GDPD5: variants seen among roughly 807,000 people sequenced by gnomAD.
GDPD5 encodes glycerophosphodiester phosphodiesterase domain containing 5, also known as glycerophosphodiester phosphodiesterase 2.
GDPD5 carries 48 observed loss-of-function variants against 75.1 expected under a neutral mutation model. That is an observed-to-expected ratio of 0.64 (90% CI 0.51 to 0.81). The LOEUF (loss-of-function observed/expected upper bound fraction) is 0.81. Ranked by LOEUF, GDPD5 falls within the 40% of genes least tolerant of loss-of-function variation. The pLI, the probability that GDPD5 is intolerant of heterozygous loss-of-function variation, is 0.00. For missense variants in GDPD5, 706 were observed against 822.6 expected (o/e 0.86, Z 1.73); for synonymous variants, 336 against 339.0 (o/e 0.99, Z 0.10).
chr11:75,435,743 C>G (rs1468594549), intron 16 of GDPD5, 88 bp from the exon 17 acceptor site: 1 of 1,359,378 alleles, frequency 7.4e-7, no homozygotes, highest in Non-Finnish European at 1.0e-6. Flanking sequence ...GCTGCACCAC[C>G]CAGCGGGGCA....
At chr11:75,483,913 A>G (rs1349748782) in intron 2 of GDPD5, among the ~76,000 whole-genome samples, 1 of 152,162 alleles carries the variant, frequency 6.6e-6, no homozygotes, top group African/African-American at 2.4e-5. Flanking sequence ...CTGGCCAGGC[A>G]TGGTGGCTCA....
intron 1 of GDPD5, among the ~76,000 whole-genome samples, chr11:75,498,714 G>A (rs1185890834): frequency 1.3e-5 from 2 of 152,176 alleles, no homozygotes; most frequent in East Asian, 1.9e-4. Context: ...AGAAGCAGTG[G>A]AGCACAGTGG....
At chr11:75,494,521 T>C (rs977836913) in intron 1 of GDPD5, among the ~76,000 whole-genome samples, 2 of 152,218 alleles carry the variant, frequency 1.3e-5, no homozygotes, top group African/African-American at 4.8e-5. Context: ...CCACAGTTCA[T>C]TTTTAGTTAT....
At chr11:75,499,505 T>G (rs1323973042) in intron 1 of GDPD5, among the ~76,000 whole-genome samples, 1 of 152,042 alleles carries the variant, frequency 6.6e-6, no homozygotes, top group Non-Finnish European at 1.5e-5. Context: ...GACCCTGTTT[T>G]GGTCAATCCT....
intron 1 of GDPD5, among the ~76,000 whole-genome samples, chr11:75,507,949 C>T (rs1424265395): frequency 3.9e-5 from 6 of 152,146 alleles, no homozygotes; most frequent in Non-Finnish European, 7.4e-5. Context: ...CCCCCAGCAC[C>T]CACTATCTAT....
chr11:75,460,097 CT>C (rs140689877), intron 4 of GDPD5, among the ~76,000 whole-genome samples: 2,038 of 152,088 alleles, frequency 0.013, 20 homozygotes, highest in Middle Eastern at 0.051. Flanking sequence ...AAACTGAGGC[CT>C]GAAGAGGGGC....
intron 3 of GDPD5, among the ~76,000 whole-genome samples, chr11:75,466,081 C>G (rs1949509393): frequency 6.6e-6 from 1 of 152,208 alleles, no homozygotes; most frequent in Non-Finnish European, 1.5e-5. Context: ...CTCCTGGGAA[C>G]CAGCCAAGAC....
At chr11:75,436,032 T>C (rs958785900) in intron 16 of GDPD5, among the ~76,000 whole-genome samples, 2 of 152,176 alleles carry the variant, frequency 1.3e-5, no homozygotes, top group Non-Finnish European at 2.9e-5. Flanking sequence ...CTCAGCCTCC[T>C]GGGAACCTCA....
chr11:75,470,389 T>C (rs1395696523), intron 3 of GDPD5, among the ~76,000 whole-genome samples: 1 of 152,250 alleles, frequency 6.6e-6, no homozygotes, highest in Non-Finnish European at 1.5e-5. Flanking sequence ...TGTAGTCAAA[T>C]CTATCCCTCT....
rs1473832926 is a variant in GDPD5, at chr11:75,449,550, C to T, written c.535G>A (p.Val179Met). 39 of 1,587,658 alleles carry T rather than the reference C, an allele frequency of 2.5e-5. 1 individual carries two copies. The highest frequency in any genetic ancestry group is 1.7e-4 in the South Asian group (15 of 86,822). ...VAAVTMLSWI[V>M]AGQFARAERT... ...TCTGCGCGGGCGAACTGTCCTGCCA[C>T]GATCCAGGAGAGCATGGTGACTGCT... Residue 179 changes from valine (V) to methionine (M), a missense_variant, in exon 8 of 17, where the codon GTG becomes ATG. Coordinates refer to ENST00000336898, the MANE Select transcript of GDPD5 (RefSeq NM_030792.8).
Position 75,449,506 on chromosome 11 carries a change from G to T in GDPD5, c.568+11C>A. ...GGATTGGAGGGGCAGGCCCTTCACAGTTCTACTCACAGGTCCGCTCTGCGC... is the reference window on the plus strand; with the variant it reads ...GGATTGGAGGGGCAGGCCCTTCACATTTCTACTCACAGGTCCGCTCTGCGC... On this transcript the variant is annotated intron_variant, in intron 8 of 16. Coordinates refer to ENST00000336898, the MANE Select transcript of GDPD5 (RefSeq NM_030792.8). 1.3e-6 allele frequency: 2 copies of T among 1,560,534 alleles called. No homozygotes were observed. The highest frequency in any genetic ancestry group is 1.7e-6 in the Non-Finnish European group (2 of 1,151,110).
chr11:75,521,341 A>C (rs1334664112), intron 1 of GDPD5, among the ~76,000 whole-genome samples: 1 of 152,190 alleles, frequency 6.6e-6, no homozygotes, highest in Non-Finnish European at 1.5e-5. Flanking sequence ...AGGTGAGGAG[A>C]CAGGACATCT....
At chr11:75,443,489 CTG>C (rs997603924) in intron 10 of GDPD5, among the ~76,000 whole-genome samples, 9 of 152,278 alleles carry the variant, frequency 5.9e-5, no homozygotes, top group African/African-American at 2.2e-4. Context: ...TTCTGGCTCT[CTG>C]TGAGGGTCAG....
chr11:75,449,886 T>C lies in GDPD5; in HGVS notation c.473A>G (p.Gln158Arg). Reference protein sequence around the residue: ...DEWEVLLISLQGTAPFLHVGA... With the variant: ...DEWEVLLISLRGTAPFLHVGA... ...TCCTGGGGGACCCTCCTCACTCACC[T>C]GCAGGGAGATCAGCAGCACCTCCCA... Residue 158 changes from glutamine to arginine, a missense_variant and splice_region_variant, in exon 7 of 17, where the codon CAG (glutamine) becomes CGG (arginine). Coordinates refer to ENST00000336898, the MANE Select transcript of GDPD5 (RefSeq NM_030792.8). The C allele has an allele frequency of 1.2e-6, 2 of 1,613,242 alleles. No homozygotes were observed. Among genetic ancestry groups the C allele is most frequent in the Non-Finnish European group, 1.7e-6 (2 of 1,179,570 alleles).
intron 16 of GDPD5, among the ~76,000 whole-genome samples, chr11:75,436,640 C>T (rs954603552): frequency 6.6e-6 from 1 of 152,126 alleles, no homozygotes; most frequent in African/African-American, 2.4e-5. Flanking sequence ...GGGGATGGGC[C>T]TTCAAAACAG....
intron 4 of GDPD5, among the ~76,000 whole-genome samples, chr11:75,461,322 T>C (rs1949407775): frequency 6.6e-6 from 1 of 152,192 alleles, no homozygotes; most frequent in Non-Finnish European, 1.5e-5. Flanking sequence ...AATTGATTTA[T>C]GGCATTTAAT....
intron 3 of GDPD5, among the ~76,000 whole-genome samples, chr11:75,469,478 T>G (rs1565199351): frequency 6.6e-6 from 1 of 152,164 alleles, no homozygotes; most frequent in East Asian, 1.9e-4. Context: ...CAACCAGGTC[T>G]GTGTACCTCC....
chr11:75,523,456 G>A (rs963303291), intron 1 of GDPD5, among the ~76,000 whole-genome samples: 6 of 152,194 alleles, frequency 3.9e-5, no homozygotes, highest in Non-Finnish European at 7.3e-5. Context: ...ACACGAGACT[G>A]GGCCATTAAT....
chr11:75,446,100 C>A (rs1191963314), intron 9 of GDPD5, among the ~76,000 whole-genome samples: 2 of 152,224 alleles, frequency 1.3e-5, no homozygotes, highest in African/African-American at 4.8e-5. Context: ...GAATATCCTG[C>A]GGCCAGGCCT....
Sources: gnomAD v4.1 joint callset for allele counts (sites outside exome capture counted in the v4.1 genomes callset) on GRCh38, gnomAD v4.1.1 for gene constraint, MANE v1.5 for transcripts, NCBI Gene and HGNC (gene_info 2026-07-23, HGNC 2026-07-21) for gene names.